Variants in SSR1 observed in about 807,000 individuals in gnomAD.
SSR1 encodes translocon-associated protein subunit alpha.
A neutral mutation model predicts 36.1 loss-of-function variants in SSR1; 13 were observed. The observed-to-expected ratio is 0.36, with a 90% CI of 0.23 to 0.57. SSR1 has a LOEUF of 0.57. Among genes scored for constraint, SSR1 ranks in the 20% least tolerant of loss-of-function variants. SSR1 has a pLI of 0.81. For synonymous variants in SSR1, 113 were observed against 118.9 expected (o/e 0.95, Z 0.32); for missense variants, 291 against 338.5 (o/e 0.86, Z 1.10).
At position 7,313,159 on chromosome 6, in the gene SSR1, GCT is replaced by G; in HGVS notation, c.-41_-40del. 6.4e-7 allele frequency: 1 copy of G among 1,554,588 alleles called. No homozygotes were observed. The highest frequency in any genetic ancestry group is 1.7e-4 in the Middle Eastern group (1 of 5,940). ...CAGTGTCCAGTTTCCGTCGGCTAAG[GCT>G]CTCGGCGGCTCCGGCGGTAATGGCG... is the stretch of plus-strand genomic sequence containing the variant. On this transcript the variant is annotated 5_prime_UTR_variant, in exon 1 of 8. The change creates a premature stop within an existing upstream ORF in the 5' untranslated region. Coordinates refer to ENST00000244763, the MANE Select transcript of SSR1 (RefSeq NM_003144.5).
chr6:7,286,699 GT>G lies in SSR1; in HGVS notation c.*3164del, dbSNP rs1322071607. The G allele has an allele frequency of 7.2e-5, 11 of 152,088 alleles. No individual in the cohort carries two copies. The highest frequency in any genetic ancestry group is 2.7e-4 in the African/African-American group (11 of 41,406). The allele number at this position is 152,088 out of a possible 1,614,324, so 9.4% of individuals were successfully genotyped here. On this transcript the variant is annotated 3_prime_UTR_variant, in exon 8 of 8. Coordinates refer to ENST00000244763, the MANE Select transcript of SSR1 (RefSeq NM_003144.5). ...GGCCAAGGCAGGCGTATCACCTGTG[GT>G]CAGGAGTTCAAGACCAGCCTGGCCA...
intron 2 of SSR1, among the ~76,000 whole-genome samples, chr6:7,307,332 T>G (rs1383571592): frequency 6.6e-6 from 1 of 152,210 alleles, no homozygotes; most frequent in Non-Finnish European, 1.5e-5. Flanking sequence ...TCTACCTTAA[T>G]TATTTTCTGA....
chr6:7,303,613 C>T lies in SSR1; in HGVS notation c.217G>A (p.Val73Met). Reference protein sequence around the residue: ...DLVEDKEEEDVSGEPEASPSA... With the variant: ...DLVEDKEEEDMSGEPEASPSA... ...GGTGAAGCTTCAGGTTCACCAGACA[C>T]ATCTTCTTCCTCTTTATCTTCTACC... The change falls in exon 3 of 8, where the codon GTG becomes ATG. Residue 73 changes from valine (V) to methionine (M), a missense_variant. Val to Met is a conservative substitution (Grantham distance 21). Coordinates refer to ENST00000244763, the MANE Select transcript of SSR1 (RefSeq NM_003144.5). The T allele has an allele frequency of 6.2e-7, 1 of 1,613,260 alleles. No individual in the cohort carries two copies. Among genetic ancestry groups the T allele is most frequent in the Non-Finnish European group, 8.5e-7 (1 of 1,179,510 alleles).
Position 7,312,960 on chromosome 6 carries a change from C to A in SSR1, c.79+82G>T, listed in dbSNP as rs1028747086. 2.9e-6 allele frequency: 4 copies of A among 1,380,006 alleles called. No homozygotes were observed. In the East Asian group the frequency reaches 7.5e-5, roughly 26 times the overall value. The allele number at this position is 1,380,006 out of a possible 1,614,324, so 85.5% of individuals were successfully genotyped here. ...TGGACGCGGACCCCAGGACCCGGAGCGGCCACCGCCTCCAACTTCAAACTT... is the reference window on the plus strand; with the variant it reads ...TGGACGCGGACCCCAGGACCCGGAGAGGCCACCGCCTCCAACTTCAAACTT... On this transcript the variant is annotated intron_variant, in intron 1 of 7. Coordinates refer to ENST00000244763, the MANE Select transcript of SSR1 (RefSeq NM_003144.5).
At chr6:7,307,538 CTTAT>C (rs1436524216) in intron 2 of SSR1, among the ~76,000 whole-genome samples, 2 of 152,248 alleles carry the variant, frequency 1.3e-5, no homozygotes, top group East Asian at 1.9e-4. Flanking sequence ...CTACCCTCTA[CTTAT>C]TTATTTAATT....
chr6:7,309,901 A>T lies in SSR1; in HGVS notation c.192+16T>A. ...TACATACATTTTACATATATTAAAT[A>T]GTATGTAACACTAACCAAATCTGTG... is the stretch of plus-strand genomic sequence containing the variant. On this transcript the variant is annotated intron_variant, in intron 2 of 7. Transcript: ENST00000244763. 2 of 1,508,298 alleles carry T rather than the reference A, an allele frequency of 1.3e-6. No individual in the cohort carries two copies. The highest frequency in any genetic ancestry group is 1.4e-5 in the African/African-American group (1 of 72,894). The allele number at this position is 1,508,298 out of a possible 1,614,324, so 93.4% of individuals were successfully genotyped here. A position where few individuals can be genotyped will look rare whatever the true frequency, so the allele number is the denominator to read the frequency against.
chr6:7,298,787 C>G lies in SSR1; in HGVS notation c.580G>C (p.Val194Leu). Residue 194 changes from valine (V) to leucine (L), a missense_variant, in exon 5 of 8, where the codon GTT becomes CTT. Physicochemically the swap from Val to Leu is conservative, Grantham distance 32. Coordinates refer to ENST00000244763, the MANE Select transcript of SSR1 (RefSeq NM_003144.5). ...VFQDAVFNQT[V>L]TVIEREDGLD... is the part of the protein sequence containing the mutation. ...CCATCCTCTCTTTCAATAACTGTAA[C>G]TGTTTGATTGAAGACTGCATCTTGG... The G allele has an allele frequency of 6.2e-7, 1 of 1,613,438 alleles. No individual in the cohort carries two copies. Among genetic ancestry groups the G allele is most frequent in the African/African-American group, 1.3e-5 (1 of 75,044 alleles).
rs1757579668 is a variant in SSR1, at chr6:7,287,447, C to T, written c.*2417G>A. The T allele has an allele frequency of 6.6e-6, 1 of 152,196 alleles. No homozygotes were observed. The highest frequency in any genetic ancestry group is 2.4e-5 in the African/African-American group (1 of 41,462). 9.4% of individuals were successfully genotyped at this position (152,196 alleles called of 1,614,324 possible). ...TTTCTACTTTACTCCTTCCCTGAGG[C>T]TTCTACTTCTGAGGTCCCATTTCCT... On this transcript the variant is annotated 3_prime_UTR_variant, in exon 8 of 8. Coordinates refer to ENST00000244763, the MANE Select transcript of SSR1 (RefSeq NM_003144.5).
intron 2 of SSR1, among the ~76,000 whole-genome samples, chr6:7,306,308 G>A (rs1758052227): frequency 6.6e-6 from 1 of 151,764 alleles, no homozygotes; most frequent in African/African-American, 2.4e-5. Flanking sequence ...ACACCCGGCA[G>A]ATTTTTTTGT....
Position 7,309,980 on chromosome 6 carries a change from T to G in SSR1, c.129A>C (p.Glu43Asp). The G allele has an allele frequency of 6.2e-7, 1 of 1,614,028 alleles. No homozygotes were observed. The highest frequency in any genetic ancestry group is 8.5e-7 in the Non-Finnish European group (1 of 1,179,986). ...QDLTEDEETVEDSIIEDEDDE... is the reference protein window; with the variant it reads ...QDLTEDEETVDDSIIEDEDDE... ...CATCTTCATCCTCAATTATGGAATC[T>G]TCTACTGTTTCTTCATCCTCTGTAA... Residue 43 changes from glutamate (E) to aspartate (D), a missense_variant, in exon 2 of 8, where the codon GAA becomes GAC. Coordinates refer to ENST00000244763, the MANE Select transcript of SSR1 (RefSeq NM_003144.5).
At position 7,313,033 on chromosome 6, in the gene SSR1, C is replaced by A. The variant is rs1164049371; in HGVS notation, c.79+9G>T. 1 of 1,597,448 alleles carries A rather than the reference C, an allele frequency of 6.3e-7. No homozygotes were observed. The highest frequency in any genetic ancestry group is 1.1e-5 in the South Asian group (1 of 88,382). On this transcript the variant is annotated intron_variant, in intron 1 of 7. Transcript: ENST00000244763. ...TGGCCATCCCCTCCGCACACTCCCC[C>A]AGCCTCACCTCTGGGGCCGCCTCGG...
At chr6:7,290,556 C>A (rs946102357) in intron 7 of SSR1, among the ~76,000 whole-genome samples, 33 of 152,042 alleles carry the variant, frequency 2.2e-4, no homozygotes, top group African/African-American at 7.7e-4. Context: ...CTATTATTGT[C>A]TTGTCTTACT....
intron 2 of SSR1, among the ~76,000 whole-genome samples, chr6:7,306,898 CAG>C (rs1758076820): frequency 7.7e-6 from 1 of 130,170 alleles, no homozygotes; most frequent in South Asian, 2.4e-4. Flanking sequence ...GCCTGGGCGA[CAG>C]AGCGAGACTC....
chr6:7,309,589 GGTAA>G (rs1450507036), intron 2 of SSR1, among the ~76,000 whole-genome samples: 4 of 152,244 alleles, frequency 2.6e-5, no homozygotes. Context: ...CCTGGTGGGA[GGTAA>G]ATGAATCACG....
At position 7,283,580 on chromosome 6, in the gene SSR1, C is replaced by T. The variant is rs895803665; in HGVS notation, c.*6284G>A. 2.0e-5 allele frequency: 3 copies of T among 151,840 alleles called. No homozygotes were observed. Among genetic ancestry groups the T allele is most frequent in the African/African-American group, 7.3e-5 (3 of 41,250 alleles). 9.4% of individuals were successfully genotyped at this position (151,840 alleles called of 1,614,324 possible). On this transcript the variant is annotated 3_prime_UTR_variant, in exon 8 of 8. Transcript: ENST00000244763. Reference sequence around the variant, plus strand: ...TTTTTTAGTAGAGATGGGGTTTCACCATGTTGGCCAGGCTGGTCTTGAACT... The same window carrying T: ...TTTTTTAGTAGAGATGGGGTTTCACTATGTTGGCCAGGCTGGTCTTGAACT...
chr6:7,310,756 C>T (rs1294820175), intron 1 of SSR1, among the ~76,000 whole-genome samples: 1 of 151,978 alleles, frequency 6.6e-6, no homozygotes, highest in Non-Finnish European at 1.5e-5. Flanking sequence ...ACTGAAAATG[C>T]AAAAATTAGC....
chr6:7,293,448 CCTTTT>C (rs1197261890), intron 7 of SSR1, among the ~76,000 whole-genome samples: 1 of 151,894 alleles, frequency 6.6e-6, no homozygotes, highest in African/African-American at 2.4e-5. Flanking sequence ...CCCACCCCCA[CCTTTT>C]CTTTTGAGAC....
intron 6 of SSR1, among the ~76,000 whole-genome samples, 182 bp downstream of exon 6, chr6:7,297,741 A>G (rs1329791994): frequency 2.0e-5 from 3 of 152,148 alleles, no homozygotes; most frequent in African/African-American, 7.2e-5. Flanking sequence ...AAAAAAAAAG[A>G]AAGTAAGTTT....
chr6:7,281,382 G>A lies in SSR1; in HGVS notation c.*8482C>T, dbSNP rs1757415801. 6.6e-6 allele frequency: 1 copy of A among 152,184 alleles called. No individual in the cohort carries two copies. 9.4% of individuals were successfully genotyped at this position (152,184 alleles called of 1,614,324 possible). A position where few individuals can be genotyped will look rare whatever the true frequency, so the allele number is the denominator to read the frequency against. On this transcript the variant is annotated 3_prime_UTR_variant, in exon 8 of 8. Coordinates refer to ENST00000244763, the MANE Select transcript of SSR1 (RefSeq NM_003144.5). ...CCACTTTCATTAAATAGTCCCAGAA[G>A]ATAGCTAAATAACATTTTCAGATAG...
Sources: gnomAD v4.1 joint callset for allele counts (sites outside exome capture counted in the v4.1 genomes callset) on GRCh38, gnomAD v4.1.1 for gene constraint, MANE v1.5 for transcripts, NCBI Gene and HGNC (gene_info 2026-07-23, HGNC 2026-07-21) for gene names.